The following GMDS variants were observed in gnomAD, a reference collection of about 807,000 sequenced individuals.
The protein encoded by GMDS is GDP-mannose 4,6-dehydratase.
Under a neutral mutation model 49.9 loss-of-function variants are expected in GMDS, and 20 were observed. The observed-to-expected ratio is 0.40, with a 90% CI of 0.28 to 0.58. The LOEUF (loss-of-function observed/expected upper bound fraction) is 0.58. Ranked by LOEUF, GMDS falls within the 20% of genes least tolerant of loss-of-function variation. The pLI, the probability that GMDS is intolerant of heterozygous loss-of-function variation, is 0.42. For synonymous variants in GMDS, 177 were observed against 178.6 expected (o/e 0.99, Z 0.07); for missense variants, 362 against 481.4 (o/e 0.75, Z 2.32).
chr6:2,198,248 A>G (rs564827551), intron 1 of GMDS, among the ~76,000 whole-genome samples: 23 of 152,358 alleles, frequency 1.5e-4, no homozygotes, highest in Middle Eastern at 3.4e-3. Context: ...ATGTATACAC[A>G]GATGCATATG....
chr6:1,890,559 C>A (rs117122268), intron 7 of GMDS, among the ~76,000 whole-genome samples: 1 of 152,172 alleles, frequency 6.6e-6, no homozygotes, highest in East Asian at 1.9e-4. Context: ...GCTATCAGAA[C>A]AGTTTTTAAC....
chr6:2,105,005 A>AC (rs1774148030), intron 4 of GMDS, among the ~76,000 whole-genome samples: 1 of 151,792 alleles, frequency 6.6e-6, no homozygotes, highest in South Asian at 2.1e-4. Flanking sequence ...ACATGGTGAA[A>AC]CCCCGTCTCT....
chr6:1,688,462 C>A (rs1765060505), intron 9 of GMDS, among the ~76,000 whole-genome samples: 1 of 152,210 alleles, frequency 6.6e-6, no homozygotes, highest in Non-Finnish European at 1.5e-5. Flanking sequence ...AGCAATCAAG[C>A]AACTCCAGTT....
intron 7 of GMDS, among the ~76,000 whole-genome samples, chr6:1,751,029 C>T (rs968040359): frequency 7.2e-5 from 11 of 152,210 alleles, no homozygotes; most frequent in African/African-American, 2.4e-4. Flanking sequence ...TAGATTCCTC[C>T]TCTCTGGGCA....
chr6:2,138,138 T>C (rs1224006990), intron 1 of GMDS, among the ~76,000 whole-genome samples: 1 of 152,146 alleles, frequency 6.6e-6, no homozygotes, highest in African/African-American at 2.4e-5. Flanking sequence ...AAATCTGTTA[T>C]TTTTGGCAAA....
intron 7 of GMDS, among the ~76,000 whole-genome samples, chr6:1,839,733 C>T (rs1397853023): frequency 1.3e-5 from 2 of 152,138 alleles, no homozygotes; most frequent in African/African-American, 2.4e-5. Context: ...TCAGGCAAAG[C>T]TGAAAGCACT....
chr6:1,952,526 C>T (rs1763401796), intron 6 of GMDS, among the ~76,000 whole-genome samples: 2 of 152,018 alleles, frequency 1.3e-5, no homozygotes. Context: ...AAAAGTTCTT[C>T]GTGACTCAGA....
intron 9 of GMDS, among the ~76,000 whole-genome samples, chr6:1,706,124 G>A (rs1765727268): frequency 6.6e-6 from 1 of 152,208 alleles, no homozygotes; most frequent in Admixed American, 6.5e-5. Flanking sequence ...AATGAATGAA[G>A]TGAACAGATT....
chr6:1,752,562 G>C (rs1255583059), intron 7 of GMDS, among the ~76,000 whole-genome samples: 3 of 152,116 alleles, frequency 2.0e-5, no homozygotes, highest in Non-Finnish European at 4.4e-5. Context: ...CTCAAGAAGA[G>C]CAATCCCAAG....
intron 9 of GMDS, among the ~76,000 whole-genome samples, chr6:1,684,816 C>G (rs9378647): frequency 0.23 from 34,336 of 151,902 alleles, 4,117 homozygotes; most frequent in East Asian, 0.49. Context: ...ATAAATTATA[C>G]CTCATTAAAG....
At chr6:2,076,949 T>C (rs1772379633) in intron 4 of GMDS, among the ~76,000 whole-genome samples, 1 of 152,212 alleles carries the variant, frequency 6.6e-6, no homozygotes. Context: ...GGGATATCTT[T>C]TCATTTGTTT....
At chr6:2,151,403 A>T (rs1190632944) in intron 1 of GMDS, among the ~76,000 whole-genome samples, 1 of 152,100 alleles carries the variant, frequency 6.6e-6, no homozygotes, top group Non-Finnish European at 1.5e-5. Context: ...TAATTATCTC[A>T]TGTAAATATG....
intron 1 of GMDS, among the ~76,000 whole-genome samples, chr6:2,148,584 C>T (rs183598103): frequency 2.6e-5 from 4 of 152,238 alleles, no homozygotes; most frequent in African/African-American, 9.6e-5. Context: ...CCACGCCTGG[C>T]TAATTTTGTA....
intron 4 of GMDS, among the ~76,000 whole-genome samples, chr6:2,059,473 C>A (rs928070403): frequency 4.6e-5 from 7 of 150,664 alleles, no homozygotes; most frequent in African/African-American, 1.5e-4. Context: ...CTTTGGGAGG[C>A]CGAGGCGGGT....
intron 7 of GMDS, among the ~76,000 whole-genome samples, chr6:1,767,939 C>T (rs3823263): frequency 8.7e-4 from 132 of 152,190 alleles, no homozygotes; most frequent in African/African-American, 2.9e-3. Flanking sequence ...ACTCTCTTCT[C>T]GGTGACAGTT....
At chr6:2,226,076 A>C (rs1437846451) in intron 1 of GMDS, among the ~76,000 whole-genome samples, 1 of 152,228 alleles carries the variant, frequency 6.6e-6, no homozygotes, top group Non-Finnish European at 1.5e-5. Context: ...ATAGAGGCAG[A>C]AAACAAAGAG....
chr6:1,785,179 A>G (rs1196570324), intron 7 of GMDS, among the ~76,000 whole-genome samples: 1 of 152,244 alleles, frequency 6.6e-6, no homozygotes, highest in Admixed American at 6.5e-5. Flanking sequence ...TATGTATATA[A>G]TTCATGAAGC....
intron 9 of GMDS, among the ~76,000 whole-genome samples, chr6:1,725,196 T>G (rs1351013601): frequency 6.6e-6 from 1 of 152,232 alleles, no homozygotes; most frequent in East Asian, 1.9e-4. Flanking sequence ...TCTCTAGAGA[T>G]GATGCTTTCT....
chr6:2,183,087 G>A (rs1257597140), intron 1 of GMDS, among the ~76,000 whole-genome samples: 1 of 152,150 alleles, frequency 6.6e-6, no homozygotes, highest in Non-Finnish European at 1.5e-5. Context: ...TGTACAAGGA[G>A]GTTAATATGT....
Sources: allele counts gnomAD v4.1 joint callset (sites outside exome capture counted in the v4.1 genomes callset), GRCh38; gene constraint gnomAD v4.1.1; transcripts MANE v1.5; gene names NCBI Gene and HGNC (gene_info 2026-07-23, HGNC 2026-07-21).